Variants in PSMG2 observed in about 807,000 individuals in gnomAD.
PSMG2 encodes the protein proteasome assembly chaperone 2, also known as CD40 ligand-activated specific transcript 3.
Under a neutral mutation model 31.5 loss-of-function variants are expected in PSMG2, and 21 were observed. The observed-to-expected ratio is 0.67, with a 90% CI of 0.47 to 0.96. PSMG2 has a LOEUF of 0.96. Ranked by LOEUF, PSMG2 falls within the 40% of genes least tolerant of loss-of-function variation. The probability of loss-of-function intolerance (pLI) is 0.00; values close to 1 mark genes in which losing one functional copy is unlikely to be tolerated. For missense variants in PSMG2, 318 were observed against 321.2 expected (o/e 0.99, Z 0.08); for synonymous variants, 120 against 110.4 (o/e 1.09, Z -0.54).
intron 3 of PSMG2, among the ~76,000 whole-genome samples, chr18:12,714,054 A>G (rs939094743): frequency 2.0e-5 from 3 of 152,150 alleles, no homozygotes; most frequent in Non-Finnish European, 4.4e-5. Flanking sequence ...GTCCAAACTC[A>G]AGAATTTGTT....
intron 1 of PSMG2, among the ~76,000 whole-genome samples, chr18:12,679,947 G>A (rs1022425777): frequency 2.0e-5 from 3 of 151,624 alleles, no homozygotes; most frequent in Admixed American, 6.6e-5. Flanking sequence ...TCCCAGCTAC[G>A]CAAGAGGCTG....
chr18:12,717,213 T>C (rs1210069167), intron 3 of PSMG2, among the ~76,000 whole-genome samples: 1 of 151,860 alleles, frequency 6.6e-6, no homozygotes, highest in Non-Finnish European at 1.5e-5. Context: ...CCTCCCAAAG[T>C]GTTGGGATTA....
intron 4 of PSMG2, 115 bp from the exon 5 acceptor site, chr18:12,720,395 C>T (rs1009871478): frequency 2.5e-6 from 2 of 810,524 alleles, no homozygotes; most frequent in African/African-American, 3.5e-5. Context: ...CTTAAGTCTG[C>T]TGAAACTTGT....
At chr18:12,725,351 AAC>A in intron 6 of PSMG2, 86 bp from the exon 7 acceptor site, 3 of 1,057,220 alleles carry the variant, frequency 2.8e-6, no homozygotes, top group Non-Finnish European at 4.0e-6. Context: ...AACCAAAAGG[AAC>A]ACAAAAGGAG....
At chr18:12,678,340 C>T in intron 1 of PSMG2, 1 of 1,614,144 alleles carries the variant, frequency 6.2e-7, no homozygotes, top group South Asian at 1.1e-5. Flanking sequence ...TTCCCAGGAA[C>T]ATCTGATGGT....
intron 1 of PSMG2, among the ~76,000 whole-genome samples, chr18:12,670,007 G>T (rs979492337): frequency 2.8e-5 from 4 of 145,050 alleles, no homozygotes; most frequent in Non-Finnish European, 6.0e-5. Flanking sequence ...AAAAAAAAAA[G>T]AAAAGAAAAA....
At chr18:12,692,415 T>A (rs2039801235) in intron 1 of PSMG2, 1 of 152,010 alleles carries the variant, frequency 6.6e-6, no homozygotes, top group South Asian at 2.1e-4. Flanking sequence ...GGCCCGACTA[T>A]CTCATTTTCT....
chr18:12,718,938 G>GTA (rs1035454780), intron 4 of PSMG2, among the ~76,000 whole-genome samples: 2 of 152,136 alleles, frequency 1.3e-5, no homozygotes, highest in Non-Finnish European at 2.9e-5. Context: ...TCAGCTAATT[G>GTA]AAGAGAATAA....
intron 1 of PSMG2, chr18:12,691,519 TATTC>T (rs775494015): frequency 1.1e-5 from 17 of 1,520,508 alleles, no homozygotes; most frequent in South Asian, 4.7e-5. Flanking sequence ...TTTCAATTTC[TATTC>T]ATTATCTTTA....
chr18:12,689,005 T>C (rs2039650100), intron 1 of PSMG2, among the ~76,000 whole-genome samples: 1 of 152,052 alleles, frequency 6.6e-6, no homozygotes, highest in Non-Finnish European at 1.5e-5. Flanking sequence ...TCCCAGCTAC[T>C]TGGGAGGCTG....
Position 12,720,473 on chromosome 18 carries a change from A to T in PSMG2, c.408-37A>T, listed in dbSNP as rs372124303. 4 of 1,485,642 alleles carry T rather than the reference A, an allele frequency of 2.7e-6. No homozygotes were observed. In the African/African-American group the frequency reaches 5.7e-5, roughly 21 times the overall value. 92.0% of individuals were successfully genotyped at this position (1,485,642 alleles called of 1,614,324 possible). On this transcript the variant is annotated intron_variant, in intron 4 of 6. Coordinates refer to ENST00000317615, the MANE Select transcript of PSMG2 (RefSeq NM_020232.5). ...TAGCTAAAGAACCGATGTTTGCTTT[A>T]GAGTTTTTAAAAAGTTAACTATATG...
At chr18:12,665,735 T>C (rs999873510) in intron 1 of PSMG2, among the ~76,000 whole-genome samples, 1 of 152,210 alleles carries the variant, frequency 6.6e-6, no homozygotes, top group Non-Finnish European at 1.5e-5. Context: ...CTTGCTCTTG[T>C]CACCCAGACT....
chr18:12,674,187 A>G (rs541108479), intron 1 of PSMG2, among the ~76,000 whole-genome samples: 4 of 152,222 alleles, frequency 2.6e-5, no homozygotes, highest in Admixed American at 2.6e-4. Flanking sequence ...CTGTAATCCC[A>G]GCAATTTGGG....
upstream of PSMG2, chr18:12,702,780 T>C: frequency 3.4e-6 from 2 of 581,698 alleles, no homozygotes; most frequent in Non-Finnish European, 6.0e-6. Flanking sequence ...CAAACAGGGC[T>C]TGGGGCTGGC....
chr18:12,702,194 C>T (rs1448062325), upstream of PSMG2, among the ~76,000 whole-genome samples: 1 of 152,240 alleles, frequency 6.6e-6, no homozygotes, highest in East Asian at 1.9e-4. Context: ...CTCGATCCGA[C>T]TTCCAGAAGT....
chr18:12,697,499 G>A, intron 1 of PSMG2: 1 of 890,014 alleles, frequency 1.1e-6, no homozygotes, highest in Admixed American at 3.1e-5. Context: ...TAAATAATAA[G>A]CTTATATAAA....
chr18:12,709,120 A>T (rs1226263006), intron 2 of PSMG2, among the ~76,000 whole-genome samples: 6 of 151,472 alleles, frequency 4.0e-5, no homozygotes, highest in Non-Finnish European at 7.4e-5. Context: ...ATCTCGGCCC[A>T]TTGCAACCTC....
chr18:12,672,227 G>C (rs147062966), intron 1 of PSMG2, among the ~76,000 whole-genome samples: 2,722 of 151,328 alleles, frequency 0.018, 92 homozygotes, highest in African/African-American at 0.063. Context: ...CGATTCTCCT[G>C]CCTCAGCCTC....
intron 2 of PSMG2, among the ~76,000 whole-genome samples, chr18:12,711,742 T>C (rs1416676095): frequency 6.9e-6 from 1 of 144,428 alleles, no homozygotes; most frequent in African/African-American, 2.6e-5. Flanking sequence ...ACTCAGGAGC[T>C]TCTCATTCTT....
Sources: allele counts gnomAD v4.1 joint callset (sites outside exome capture counted in the v4.1 genomes callset), GRCh38; gene constraint gnomAD v4.1.1; transcripts MANE v1.5; gene names NCBI Gene and HGNC (gene_info 2026-07-23, HGNC 2026-07-21).